UGT1A10: variants seen among roughly 807,000 people sequenced by gnomAD.
UGT1A10 encodes UDP-glucuronosyltransferase 1A10.
UGT1A10 carries 49 observed loss-of-function variants against 45.8 expected under a neutral mutation model. The ratio of observed to expected loss-of-function variants is 1.07; its 90% CI spans 0.85 to 1.36. The LOEUF (loss-of-function observed/expected upper bound fraction) is 1.36, where lower values mean the gene tolerates loss of function less well. Among genes scored for constraint, UGT1A10 ranks in the 40% most tolerant of loss-of-function variants. The pLI is 0.00. For synonymous variants in UGT1A10, 284 were observed against 249.7 expected, an observed-to-expected ratio of 1.14 and a Z score of -1.29; for missense variants, 745 against 668.6, an observed-to-expected ratio of 1.11 and a Z score of -1.26.
intron 1 of UGT1A10, among the ~76,000 whole-genome samples, chr2:233,710,797 C>T (rs544342575): frequency 6.6e-6 from 1 of 152,298 alleles, no homozygotes; most frequent in African/African-American, 2.4e-5. Context: ...GTGTTTTGTA[C>T]CCCTCGTGCC....
Position 233,637,163 on chromosome 2 carries a change from T to G in UGT1A10, c.641T>G (p.Leu214Trp), listed in dbSNP as rs2073317775. 6.2e-6 allele frequency: 10 copies of G among 1,613,840 alleles called. No individual in the cohort carries two copies. Among genetic ancestry groups the G allele is most frequent in the Non-Finnish European group, 8.5e-6 (10 of 1,179,864 alleles). Residue 214 changes from leucine to tryptophan, a missense_variant, in exon 1 of 5, where the codon TTG becomes TGG. Transcript: ENST00000344644. ...AGAGTATGGAACCACATCGTGCACT[T>G]GGAGGACCATTTATTTTGCCAGTAT... ...KERVWNHIVH[L>W]EDHLFCQYLF... is the part of the protein sequence containing the mutation.
chr2:233,676,520 A>T (rs757649289), intron 1 of UGT1A10, among the ~76,000 whole-genome samples: 1 of 152,168 alleles, frequency 6.6e-6, no homozygotes, highest in Non-Finnish European at 1.5e-5. Context: ...TTTCCTTCAG[A>T]TTTCATTAAT....
intron 1 of UGT1A10, among the ~76,000 whole-genome samples, chr2:233,714,080 A>G (rs1575505988): frequency 6.6e-6 from 1 of 152,026 alleles, no homozygotes; most frequent in Admixed American, 6.6e-5. Flanking sequence ...AGGGACGAGG[A>G]TCTGTCAAAG....
At chr2:233,715,883 A>G (rs1485855848) in intron 1 of UGT1A10, among the ~76,000 whole-genome samples, 1 of 152,340 alleles carries the variant, frequency 6.6e-6, no homozygotes, top group African/African-American at 2.4e-5. Context: ...CTGTGGCCCC[A>G]GCTACTTGGG....
intron 1 of UGT1A10, among the ~76,000 whole-genome samples, chr2:233,745,573 G>T (rs1271557146): frequency 6.6e-6 from 1 of 151,620 alleles, no homozygotes; most frequent in African/African-American, 2.4e-5. Flanking sequence ...AGCCTCTAGT[G>T]ACATAACCTG....
chr2:233,725,264 G>GGCAGAGGCAGAGGCA (rs1216362118), intron 1 of UGT1A10, among the ~76,000 whole-genome samples: 1 of 58,548 alleles, frequency 1.7e-5, no homozygotes, highest in African/African-American at 1.3e-4. Flanking sequence ...CAGAGGCAGA[G>GGCAGAGGCAGAGGCA]GAGGCAGAGG....
chr2:233,710,513 G>A (rs1316837698), intron 1 of UGT1A10, among the ~76,000 whole-genome samples: 1 of 152,190 alleles, frequency 6.6e-6, no homozygotes, highest in Non-Finnish European at 1.5e-5. Context: ...TCTTATGACT[G>A]ATGATAATCT....
intron 1 of UGT1A10, chr2:233,743,801 T>C (rs1692515723): frequency 1.5e-6 from 2 of 1,367,278 alleles, no homozygotes; most frequent in Non-Finnish European, 2.0e-6. Context: ...CGCTTCCTCC[T>C]TGTTCTCAGG....
chr2:233,745,948 A>T (rs915147322), intron 1 of UGT1A10, among the ~76,000 whole-genome samples: 2 of 151,678 alleles, frequency 1.3e-5, no homozygotes, highest in Admixed American at 1.3e-4. Flanking sequence ...GGGGTTGGGC[A>T]ACTGGGGGAC....
intron 1 of UGT1A10, among the ~76,000 whole-genome samples, chr2:233,692,638 A>G (rs1027065840): frequency 6.6e-6 from 1 of 152,230 alleles, no homozygotes; most frequent in African/African-American, 2.4e-5. Flanking sequence ...GACAACGTCA[A>G]TGATGAGGAA....
intron 1 of UGT1A10, among the ~76,000 whole-genome samples, chr2:233,749,165 T>C (rs1694132645): frequency 6.6e-6 from 1 of 151,910 alleles, no homozygotes; most frequent in Non-Finnish European, 1.5e-5. Flanking sequence ...TCCTTTTGTA[T>C]TTTTATTTCT....
At chr2:233,719,152 C>A in intron 1 of UGT1A10, 1 of 1,614,260 alleles carries the variant, frequency 6.2e-7, no homozygotes. Flanking sequence ...AAGAGATATT[C>A]TAGAAGTATG....
chr2:233,637,918 C>T (rs1449449580), intron 1 of UGT1A10, among the ~76,000 whole-genome samples: 1 of 152,044 alleles, frequency 6.6e-6, no homozygotes, highest in East Asian at 1.9e-4. Context: ...TTAATAATTG[C>T]ATAAAATTCT....
chr2:233,765,251 A>C (rs1476483631), intron 1 of UGT1A10, among the ~76,000 whole-genome samples: 1 of 152,222 alleles, frequency 6.6e-6, no homozygotes, highest in African/African-American at 2.4e-5. Flanking sequence ...TAATCCCATT[A>C]CTGGGTATAT....
chr2:233,663,160 G>A (rs2074008885), intron 1 of UGT1A10, among the ~76,000 whole-genome samples: 1 of 152,054 alleles, frequency 6.6e-6, no homozygotes, highest in African/African-American at 2.4e-5. Context: ...CCAAGCCCTG[G>A]TGTAACCACC....
chr2:233,698,815 T>C (rs2075464153), intron 1 of UGT1A10, among the ~76,000 whole-genome samples: 1 of 152,234 alleles, frequency 6.6e-6, no homozygotes, highest in Non-Finnish European at 1.5e-5. Flanking sequence ...CCTCGCCTTG[T>C]GGAAGAGTAA....
At chr2:233,725,024 G>C (rs1241696904) in intron 1 of UGT1A10, among the ~76,000 whole-genome samples, 1 of 148,280 alleles carries the variant, frequency 6.7e-6, no homozygotes, top group Non-Finnish European at 1.5e-5. Flanking sequence ...AGCAAAACCC[G>C]GTCTCCACCA....
chr2:233,665,823 A>G (rs907093084), intron 1 of UGT1A10, among the ~76,000 whole-genome samples: 10 of 152,184 alleles, frequency 6.6e-5, no homozygotes, highest in African/African-American at 4.8e-5. Flanking sequence ...GTTGTGATCT[A>G]TGGTAGGTGT....
intron 1 of UGT1A10, among the ~76,000 whole-genome samples, chr2:233,737,663 G>A (rs918279158): frequency 3.9e-5 from 6 of 152,176 alleles, no homozygotes; most frequent in South Asian, 4.1e-4. Context: ...GCTGCAGATC[G>A]GAGCTGTTCC....
Sources: gnomAD v4.1 joint callset for allele counts (sites outside exome capture counted in the v4.1 genomes callset) on GRCh38, gnomAD v4.1.1 for gene constraint, MANE v1.5 for transcripts, NCBI Gene and HGNC (gene_info 2026-07-23, HGNC 2026-07-21) for gene names.